The following HDAC1 variants were observed in gnomAD, a reference collection of about 807,000 sequenced individuals.
HDAC1 encodes the protein protein deacetylase HDAC1.
HDAC1 carries 18 observed loss-of-function variants against 65.5 expected under a neutral mutation model. The ratio of observed to expected loss-of-function variants is 0.27; its 90% CI spans 0.19 to 0.41. The LOEUF (loss-of-function observed/expected upper bound fraction) is 0.41. HDAC1 is among the 10% of genes least tolerant of loss of function. The pLI is 1.00. For synonymous variants in HDAC1, 211 were observed against 227.9 expected (o/e 0.93, Z 0.67); for missense variants, 373 against 625.2 (o/e 0.60, Z 4.30).
Position 32,331,245 on chromosome 1 carries a change from A to G in HDAC1, c.980-229A>G, listed in dbSNP as rs933364166. Among the ~76,000 whole-genome samples the G allele has an allele frequency of 3.9e-5, 6 of 152,208 alleles. No individual in the cohort carries two copies. The highest frequency in any genetic ancestry group is 7.3e-5 in the Non-Finnish European group (5 of 68,040). On this transcript the variant is annotated intron_variant, in intron 9 of 13. Transcript: ENST00000373548. This position sits in a 1 kb window ranked among gnomAD's most constrained non-coding sequence, Gnocchi z 4.2. ...GCCTCAAGTGTCCTAAACCAGGGAC[A>G]TGGGCCTTCTCCTAGCGACATATAC...
intron 1 of HDAC1, among the ~76,000 whole-genome samples, chr1:32,301,612 A>G (rs1171068279): frequency 1.3e-5 from 2 of 151,828 alleles, no homozygotes; most frequent in Non-Finnish European, 2.9e-5. Context: ...TCTACTAAAA[A>G]TACAAAAATT....
At position 32,329,133 on chromosome 1, in the gene HDAC1, C is replaced by T. The variant is rs116148674; in HGVS notation, c.702C>T (p.Asp234=). 4.7e-4 allele frequency: 755 copies of T among 1,611,600 alleles called. 7 individuals carry two copies. The African/African-American group carries it at 9.0e-3, about 19-fold the overall frequency. ...VNYPLRDGID[D]ESYEAIFKPV... is the part of the protein sequence containing the mutation. ...ACCCGCTCCGAGACGGGATTGATGA[C>T]GAGTCCTATGAGGCCATTTTCAAGC... is the stretch of plus-strand genomic sequence containing the variant. The change falls in exon 7 of 14, where the codon GAC becomes GAT. Residue 234 remains aspartate (D), a synonymous_variant. Coordinates refer to ENST00000373548, the MANE Select transcript of HDAC1 (RefSeq NM_004964.3). This position sits in a 1 kb window ranked among gnomAD's most constrained non-coding sequence, Gnocchi z 4.1.
chr1:32,331,407 C>T lies in HDAC1; in HGVS notation c.980-67C>T. On this transcript the variant is annotated intron_variant, in intron 9 of 13. Transcript: ENST00000373548. The surrounding 1 kb of genome is among the most constrained non-coding windows in gnomAD (Gnocchi z 4.2). The stretch of plus-strand genomic sequence containing the variant: ...AGAAACCTACAAATGCTTTAGGGTG[C>T]TTACGTGCAAATGGTTAGGGTGCGG... 1.1e-6 allele frequency: 1 copy of T among 887,072 alleles called. No individual in the cohort carries two copies. The highest frequency in any genetic ancestry group is 1.9e-6 in the Non-Finnish European group (1 of 523,510). 55.0% of individuals were successfully genotyped at this position (887,072 alleles called of 1,614,324 possible).
chr1:32,297,758 A>G (rs1186017866), intron 1 of HDAC1, among the ~76,000 whole-genome samples: 1 of 116,468 alleles, frequency 8.6e-6, no homozygotes, highest in African/African-American at 3.4e-5. Context: ...CTGGAGGCGC[A>G]TGACACTACG....
At chr1:32,318,770 T>G (rs1641098527) in intron 3 of HDAC1, among the ~76,000 whole-genome samples, 1 of 152,176 alleles carries the variant, frequency 6.6e-6, no homozygotes, top group Non-Finnish European at 1.5e-5. Context: ...AGTGTGCAGG[T>G]TCTGCTCTGG....
chr1:32,326,186 A>G (rs1298311225), intron 4 of HDAC1, among the ~76,000 whole-genome samples: 2 of 151,102 alleles, frequency 1.3e-5, no homozygotes, highest in African/African-American at 4.9e-5. Flanking sequence ...TTTGAAATAG[A>G]GTCTCCCTCC....
intron 3 of HDAC1, 117 bp downstream of exon 3, chr1:32,316,899 A>G (rs1447581022): frequency 1.4e-6 from 1 of 711,188 alleles, no homozygotes; most frequent in East Asian, 2.5e-5. Context: ...GATTTCCCCT[A>G]CCTCCTAAAG....
chr1:32,308,754 G>A (rs891786256), intron 2 of HDAC1, among the ~76,000 whole-genome samples: 1 of 152,054 alleles, frequency 6.6e-6, no homozygotes, highest in Non-Finnish European at 1.5e-5. Context: ...TCCTGACCTC[G>A]TGATCTGCCT....
chr1:32,332,973 C>T (rs1641317916), intron 13 of HDAC1, 44 bp from the exon 14 acceptor site: 1 of 1,608,514 alleles, frequency 6.2e-7, no homozygotes, highest in African/African-American at 1.3e-5. Flanking sequence ...TGCCCTGAGG[C>T]TCTGGGCTGG....
intron 3 of HDAC1, among the ~76,000 whole-genome samples, chr1:32,318,110 C>T (rs1310841878): frequency 6.6e-6 from 1 of 152,220 alleles, no homozygotes; most frequent in East Asian, 1.9e-4. Flanking sequence ...CAGGGATGTG[C>T]CACCACGCCC....
chr1:32,331,453 C>G lies in HDAC1; in HGVS notation c.980-21C>G. 6.9e-7 allele frequency: 1 copy of G among 1,453,730 alleles called. No homozygotes were observed. The highest frequency in any genetic ancestry group is 9.7e-7 in the Non-Finnish European group (1 of 1,033,924). 90.1% of individuals were successfully genotyped at this position (1,453,730 alleles called of 1,614,324 possible). A position where few individuals can be genotyped will look rare whatever the true frequency, so the allele number is the denominator to read the frequency against. ...TGCGGTGGCCAGGTCTCTTGACGGT[C>G]TTCTCTCCTGCCCCAATCAGAGCTT... On this transcript the variant is annotated intron_variant, in intron 9 of 13. Transcript: ENST00000373548. This position sits in a 1 kb window ranked among gnomAD's most constrained non-coding sequence, Gnocchi z 4.2.
intron 1 of HDAC1, among the ~76,000 whole-genome samples, chr1:32,292,734 A>C (rs1640714851): frequency 6.6e-6 from 1 of 151,992 alleles, no homozygotes; most frequent in African/African-American, 2.4e-5. Flanking sequence ...GCAACCTGTT[A>C]AAACAGACTT....
In HDAC1 at chr1:32,329,159, C is replaced by T; in HGVS notation, c.728C>T (p.Pro243Leu). Reference protein sequence around the residue: ...DDESYEAIFKPVMSKVMEMFQ... With the variant: ...DDESYEAIFKLVMSKVMEMFQ... ...GAGTCCTATGAGGCCATTTTCAAGC[C>T]GGTAAGTGGCTTTATCCACCCCTTG... The change falls in exon 7 of 14, where the codon CCG becomes CTG. Residue 243 changes from proline to leucine, a missense_variant and splice_region_variant. By Grantham distance (98) the Pro-to-Leu change is moderately conservative. This residue lies in a region of HDAC1 where 105 missense variants were observed against 192.6 expected (regional missense o/e 0.55). Transcript: ENST00000373548. The surrounding 1 kb of genome is among the most constrained non-coding windows in gnomAD (Gnocchi z 4.1). The T allele has an allele frequency of 6.3e-7, 1 of 1,595,134 alleles. No homozygotes were observed. Among genetic ancestry groups the T allele is most frequent in the Non-Finnish European group, 8.6e-7 (1 of 1,162,672 alleles).
intron 2 of HDAC1, 49 bp from the exon 3 acceptor site, chr1:32,316,616 A>T (rs2148065189): frequency 1.0e-6 from 1 of 977,148 alleles, no homozygotes; most frequent in Non-Finnish European, 1.7e-6. Flanking sequence ...GATTGACTGG[A>T]CTGGCCGTGG....
At chr1:32,300,279 G>A (rs1359396504) in intron 1 of HDAC1, among the ~76,000 whole-genome samples, 2 of 152,064 alleles carry the variant, frequency 1.3e-5, no homozygotes, top group Non-Finnish European at 2.9e-5. Flanking sequence ...ATATAGTCAT[G>A]TAAATAATTC....
In HDAC1 at chr1:32,309,385, C is replaced by CT. The variant is rs533406724; in HGVS notation, c.162+6658dup. On this transcript the variant is annotated intron_variant, in intron 2 of 13. Transcript: ENST00000373548. ...TTTTCTTCTCTTTCTCTCTCTCTCT[C>CT]TTTTTTAAGAGACAGCCTTGGCTGG... 1.5e-4 allele frequency among the ~76,000 whole-genome samples: 23 copies of CT among 151,894 alleles called. No homozygotes were observed. In the South Asian group the frequency reaches 4.6e-3, roughly 30 times the overall value.
In HDAC1 at chr1:32,330,320, G is replaced by C; in HGVS notation, c.730-258G>C. ...GAGCTTGGGCAACAGAAGAGACTTAGGGAGTTGAGAGGGAGGCCATTCTAG... is the reference window on the plus strand; with the variant it reads ...GAGCTTGGGCAACAGAAGAGACTTACGGAGTTGAGAGGGAGGCCATTCTAG... On this transcript the variant is annotated intron_variant, in intron 7 of 13. Coordinates refer to ENST00000373548, the MANE Select transcript of HDAC1 (RefSeq NM_004964.3). The surrounding 1 kb of genome is among the most constrained non-coding windows in gnomAD (Gnocchi z 4.2). The C allele has an allele frequency of 2.2e-6, 1 of 455,584 alleles. No homozygotes were observed. Among genetic ancestry groups the C allele is most frequent in the South Asian group, 2.3e-5 (1 of 43,738 alleles). The allele number at this position is 455,584 out of a possible 1,614,324, so 28.2% of individuals were successfully genotyped here.
At chr1:32,304,985 T>G (rs1640893556) in intron 2 of HDAC1, among the ~76,000 whole-genome samples, 1 of 152,206 alleles carries the variant, frequency 6.6e-6, no homozygotes, top group Admixed American at 6.5e-5. Context: ...GTGCTGAGAT[T>G]ATAAGCATCA....
At chr1:32,301,735 A>G (rs1482755004) in intron 1 of HDAC1, among the ~76,000 whole-genome samples, 1 of 152,128 alleles carries the variant, frequency 6.6e-6, no homozygotes, top group Non-Finnish European at 1.5e-5. Context: ...GCACCACTGC[A>G]CTCCAGCTTG....
Sources: allele counts gnomAD v4.1 joint callset (sites outside exome capture counted in the v4.1 genomes callset), GRCh38; gene constraint gnomAD v4.1.1; regional missense constraint gnomAD v4.1.1; non-coding constraint Gnocchi (gnomAD v3.1); transcripts MANE v1.5; gene names NCBI Gene and HGNC (gene_info 2026-07-23, HGNC 2026-07-21).